ANKS1B: variants seen among roughly 807,000 people sequenced by gnomAD.
The protein encoded by ANKS1B is ankyrin repeat and sterile alpha motif domain-containing protein 1B.
ANKS1B carries 36 observed loss-of-function variants against 148.3 expected under a neutral mutation model. The ratio of observed to expected loss-of-function variants is 0.24; its 90% CI spans 0.19 to 0.32. The LOEUF (loss-of-function observed/expected upper bound fraction) is 0.32. Ranked by LOEUF, ANKS1B falls within the 10% of genes least tolerant of loss-of-function variation. The pLI is 1.00. For synonymous variants in ANKS1B, 542 were observed against 560.8 expected (o/e 0.97, Z 0.47); for missense variants, 1,157 against 1,542.6 (o/e 0.75, Z 4.19).
intron 15 of ANKS1B, among the ~76,000 whole-genome samples, chr12:99,128,942 T>C (rs547974215): frequency 6.6e-6 from 1 of 152,246 alleles, no homozygotes; most frequent in East Asian, 1.9e-4. Flanking sequence ...TGGAGGATGA[T>C]TGTGAGTAGA....
At chr12:99,568,937 A>G (rs561318331) in intron 9 of ANKS1B, among the ~76,000 whole-genome samples, 2 of 152,336 alleles carry the variant, frequency 1.3e-5, no homozygotes, top group Admixed American at 1.3e-4. Flanking sequence ...TAATAGTTAC[A>G]ATGATTCATA....
At chr12:98,930,859 G>A (rs1171149106) in intron 17 of ANKS1B, among the ~76,000 whole-genome samples, 1 of 152,008 alleles carries the variant, frequency 6.6e-6, no homozygotes, top group Non-Finnish European at 1.5e-5. Context: ...CCACTGAATT[G>A]TACATATTAA....
chr12:98,885,447 C>T (rs1402714480), intron 17 of ANKS1B, among the ~76,000 whole-genome samples: 2 of 152,150 alleles, frequency 1.3e-5, no homozygotes, highest in Non-Finnish European at 2.9e-5. Flanking sequence ...ATTCAGTGAA[C>T]ATCCTTATGT....
chr12:99,065,891 T>A (rs1197876777), intron 16 of ANKS1B, among the ~76,000 whole-genome samples: 1 of 152,148 alleles, frequency 6.6e-6, no homozygotes, highest in Non-Finnish European at 1.5e-5. Context: ...TGATAAGTGC[T>A]GTGAAAAAAG....
rs1555503129 is a variant in ANKS1B, at chr12:99,590,258, C to CCCACACACA, written c.1272+64808_1272+64809insTGTGTGTGG. Among the ~76,000 whole-genome samples the CCCACACACA allele has an allele frequency of 7.5e-5, 10 of 132,870 alleles. No individual in the cohort carries two copies. The South Asian group carries it at 2.6e-3, about 34-fold the overall frequency. The allele number at this position is 132,870 out of a possible 152,430, so 87.2% of individuals were successfully genotyped here. A position where few individuals can be genotyped will look rare whatever the true frequency, so the allele number is the denominator to read the frequency against. ...AACATTCACTCACACCCACACCCAC[C>CCCACACACA]CACACACACACACACACACACACAC... On this transcript the variant is annotated intron_variant, in intron 9 of 26. Transcript: ENST00000683438.
At chr12:99,749,493 G>T (rs745548513) in intron 8 of ANKS1B, among the ~76,000 whole-genome samples, 1 of 152,078 alleles carries the variant, frequency 6.6e-6, no homozygotes, top group Non-Finnish European at 1.5e-5. Flanking sequence ...ATTTATATGC[G>T]CTAACACATT....
chr12:99,487,024 C>A (rs1486514892), intron 10 of ANKS1B, among the ~76,000 whole-genome samples: 1 of 152,174 alleles, frequency 6.6e-6, no homozygotes, highest in Non-Finnish European at 1.5e-5. Context: ...CAAGGCCTAT[C>A]AAATGCACCA....
At chr12:99,188,004 C>A (rs1393877561) in intron 14 of ANKS1B, among the ~76,000 whole-genome samples, 4 of 151,614 alleles carry the variant, frequency 2.6e-5, no homozygotes, top group South Asian at 4.2e-4. Context: ...GAATATTTAC[C>A]AAGCAAATGG....
In ANKS1B at chr12:98,942,992, A is replaced by G. The variant is rs1349065963; in HGVS notation, c.2778+110165T>C. Among the ~76,000 whole-genome samples the G allele has an allele frequency of 2.6e-5, 4 of 152,362 alleles. No homozygotes were observed. The East Asian group carries it at 5.8e-4, about 22-fold the overall frequency. ...AATGAGAAAATTTCAGTCTTAAAAAATAGACAAGATTTCATATACTCAGGC... is the reference window on the plus strand; with the variant it reads ...AATGAGAAAATTTCAGTCTTAAAAAGTAGACAAGATTTCATATACTCAGGC... On this transcript the variant is annotated intron_variant, in intron 17 of 26. Coordinates refer to ENST00000683438, the MANE Select transcript of ANKS1B (RefSeq NM_001352186.2).
At chr12:99,621,538 C>T (rs923155473) in intron 9 of ANKS1B, among the ~76,000 whole-genome samples, 1 of 149,954 alleles carries the variant, frequency 6.7e-6, no homozygotes, top group Non-Finnish European at 1.5e-5. Context: ...CACCCATAAG[C>T]TCAAGGTAAA....
chr12:99,200,675 GTTATCTCCT>G (rs2081973207), intron 14 of ANKS1B, among the ~76,000 whole-genome samples: 1 of 152,134 alleles, frequency 6.6e-6, no homozygotes, highest in Non-Finnish European at 1.5e-5. Flanking sequence ...AAAACCTGGT[GTTATCTCCT>G]TAGCTTGTCT....
chr12:98,934,900 T>C (rs1277023409), intron 17 of ANKS1B, among the ~76,000 whole-genome samples: 2 of 151,980 alleles, frequency 1.3e-5, no homozygotes, highest in Non-Finnish European at 2.9e-5. Context: ...AATTTTCAAA[T>C]ATATAAGATC....
At chr12:99,041,437 T>C (rs80138202) in intron 17 of ANKS1B, among the ~76,000 whole-genome samples, 1,730 of 152,320 alleles carry the variant, frequency 0.011, 47 homozygotes, top group East Asian at 0.093. Context: ...GCTTTTTATA[T>C]ATCTAGCAAT....
chr12:99,731,231 G>A (rs2059115674), intron 8 of ANKS1B, among the ~76,000 whole-genome samples: 1 of 152,164 alleles, frequency 6.6e-6, no homozygotes, highest in South Asian at 2.1e-4. Context: ...CGATTCTCCT[G>A]CCTCAGCCTT....
chr12:98,946,569 G>T (rs901904642), intron 17 of ANKS1B, among the ~76,000 whole-genome samples: 31 of 152,058 alleles, frequency 2.0e-4, no homozygotes, highest in Non-Finnish European at 8.8e-5. Flanking sequence ...ACAAGATAAA[G>T]AACTAGAGAG....
chr12:98,994,913 C>G (rs1011497325), intron 17 of ANKS1B, among the ~76,000 whole-genome samples: 1 of 152,110 alleles, frequency 6.6e-6, no homozygotes, highest in Non-Finnish European at 1.5e-5. Flanking sequence ...ATTAGGACTT[C>G]AATTTATGTA....
chr12:99,945,449 G>C (rs894787459), intron 1 of ANKS1B, among the ~76,000 whole-genome samples: 1 of 152,124 alleles, frequency 6.6e-6, no homozygotes, highest in Non-Finnish European at 1.5e-5. Flanking sequence ...TAACAGCACG[G>C]TGTCAGTTTA....
intron 8 of ANKS1B, among the ~76,000 whole-genome samples, chr12:99,695,707 C>T (rs1252410474): frequency 6.6e-6 from 1 of 151,982 alleles, no homozygotes; most frequent in African/African-American, 2.4e-5. Context: ...GGGAGGGGAA[C>T]AACACTCACT....
intron 9 of ANKS1B, among the ~76,000 whole-genome samples, chr12:99,621,461 G>GAAAAAA (rs199847091): frequency 1.8e-5 from 2 of 112,780 alleles, no homozygotes. Context: ...AGGCAAATTG[G>GAAAAAA]AAAAAAAAAA....
Sources: gnomAD v4.1 joint callset for allele counts (sites outside exome capture counted in the v4.1 genomes callset) on GRCh38, gnomAD v4.1.1 for gene constraint, MANE v1.5 for transcripts, NCBI Gene and HGNC (gene_info 2026-07-23, HGNC 2026-07-21) for gene names.